PDE1A: variants seen among roughly 807,000 people sequenced by gnomAD.
PDE1A encodes the protein phosphodiesterase 1A.
PDE1A carries 35 observed loss-of-function variants against 61.7 expected under a neutral mutation model. That is an observed-to-expected ratio of 0.57 (90% CI 0.43 to 0.75). The LOEUF (loss-of-function observed/expected upper bound fraction) is 0.75. Ranked by LOEUF, PDE1A falls within the 30% of genes least tolerant of loss-of-function variation. The pLI, the probability that PDE1A is intolerant of heterozygous loss-of-function variation, is 0.00. For missense variants in PDE1A, 597 were observed against 630.6 expected (o/e 0.95, Z 0.57); for synonymous variants, 232 against 213.2 (o/e 1.09, Z -0.77).
chr2:182,624,932 C>T, the PDE1A span, among the ~76,000 whole-genome samples: 185 of 152,226 alleles, frequency 1.2e-3, no homozygotes, highest in Non-Finnish European at 2.0e-3. Flanking sequence ...ATTACCCTTG[C>T]AACCCCCTGC....
chr2:182,428,336 T>G (rs1205906689), upstream of PDE1A, among the ~76,000 whole-genome samples: 4 of 152,164 alleles, frequency 2.6e-5, no homozygotes, highest in African/African-American at 9.6e-5. Context: ...ATTCGCCTGC[T>G]TCTTGCAAAG....
At chr2:182,698,884 T>C in the PDE1A span, among the ~76,000 whole-genome samples, 1 of 152,180 alleles carries the variant, frequency 6.6e-6, no homozygotes, top group Non-Finnish European at 1.5e-5. Flanking sequence ...TCAAGCTGAT[T>C]TCATCTCTAA....
At chr2:182,646,307 A>G in the PDE1A span, among the ~76,000 whole-genome samples, 1 of 149,676 alleles carries the variant, frequency 6.7e-6, no homozygotes, top group African/African-American at 2.5e-5. Context: ...AAAAAAAAAA[A>G]TGGGCATAGT....
intron 1 of PDE1A, among the ~76,000 whole-genome samples, chr2:182,393,108 A>G (rs1361268133): frequency 6.6e-6 from 1 of 152,260 alleles, no homozygotes; most frequent in South Asian, 2.1e-4. Flanking sequence ...GAGGTTCTCC[A>G]TAAGGACTCT....
At chr2:182,232,522 A>G (rs1204140131) in intron 4 of PDE1A, among the ~76,000 whole-genome samples, 2 of 152,326 alleles carry the variant, frequency 1.3e-5, no homozygotes, top group East Asian at 3.9e-4. Context: ...TACTTCCTTC[A>G]AAAAATAATA....
chr2:182,245,480 A>G (rs1690876273), intron 2 of PDE1A, among the ~76,000 whole-genome samples: 1 of 152,172 alleles, frequency 6.6e-6, no homozygotes, highest in South Asian at 2.1e-4. Context: ...GCCCTAAAAA[A>G]AATCCCTATA....
chr2:182,389,485 T>C (rs957745773), intron 1 of PDE1A, among the ~76,000 whole-genome samples: 3 of 151,976 alleles, frequency 2.0e-5, no homozygotes, highest in African/African-American at 7.3e-5. Context: ...AAGTGATATA[T>C]TAAAAAAATA....
At chr2:182,633,665 C>A in the PDE1A span, among the ~76,000 whole-genome samples, 1 of 152,188 alleles carries the variant, frequency 6.6e-6, no homozygotes, top group Non-Finnish European at 1.5e-5. Context: ...TTTCATCTTG[C>A]CCCTATTTCA....
At chr2:182,187,737 C>CTTTTT (rs1038970569) in intron 11 of PDE1A, among the ~76,000 whole-genome samples, 192 of 66,368 alleles carry the variant, frequency 2.9e-3, no homozygotes, top group East Asian at 3.3e-3. Flanking sequence ...TTTTTTTGTT[C>CTTTTT]TTTTTTTTTT....
intron 1 of PDE1A, among the ~76,000 whole-genome samples, chr2:182,336,989 A>C (rs28584604): frequency 0.37 from 55,160 of 149,324 alleles, 12,229 homozygotes; most frequent in Non-Finnish European, 0.48. Context: ...ATAAAGAATA[A>C]AAATAAAAGT....
chr2:182,523,659 T>A (rs923627764), upstream of PDE1A, among the ~76,000 whole-genome samples: 2 of 152,210 alleles, frequency 1.3e-5, no homozygotes, highest in African/African-American at 4.8e-5. Flanking sequence ...GTTGAATATT[T>A]CTGATGTTTC....
exon 10 of PDE1A, chr2:182,201,482 T>C: frequency 6.2e-7 from 1 of 1,613,990 alleles, no homozygotes; most frequent in Non-Finnish European, 8.5e-7. Context: ...CCACCGATAA[T>C]GCAGCTTCCA....
the PDE1A span, among the ~76,000 whole-genome samples, chr2:182,562,646 G>T: frequency 2.0e-5 from 3 of 151,948 alleles, no homozygotes; most frequent in Non-Finnish European, 4.4e-5. Flanking sequence ...CTTCCTCCTT[G>T]TACCTCTGGT....
At chr2:182,400,533 T>A (rs1459226732) in intron 1 of PDE1A, among the ~76,000 whole-genome samples, 1 of 152,058 alleles carries the variant, frequency 6.6e-6, no homozygotes, top group African/African-American at 2.4e-5. Flanking sequence ...ACTCTCAACA[T>A]CTCCTTAGAT....
intron 2 of PDE1A, among the ~76,000 whole-genome samples, chr2:182,520,349 A>G (rs913014505): frequency 1.3e-5 from 2 of 151,952 alleles, no homozygotes; most frequent in African/African-American, 2.4e-5. Flanking sequence ...TCTTTATTCA[A>G]TGAAAAAGCA....
the PDE1A span, among the ~76,000 whole-genome samples, chr2:182,557,545 A>G: frequency 6.6e-6 from 1 of 151,764 alleles, no homozygotes; most frequent in Non-Finnish European, 1.5e-5. Context: ...GACCCCATCT[A>G]TACAAAAAAT....
At chr2:182,271,498 C>CT (rs1450424395) in intron 1 of PDE1A, among the ~76,000 whole-genome samples, 2 of 152,044 alleles carry the variant, frequency 1.3e-5, no homozygotes, top group African/African-American at 4.8e-5. Context: ...GAGGTATTAA[C>CT]TTTTTCTACA....
chr2:182,650,858 G>A, the PDE1A span, among the ~76,000 whole-genome samples: 7 of 152,136 alleles, frequency 4.6e-5, no homozygotes, highest in Admixed American at 2.6e-4. Context: ...AAGATCTTGC[G>A]TAAGAATTCT....
the PDE1A span, among the ~76,000 whole-genome samples, chr2:182,700,646 C>T: frequency 2.3e-3 from 306 of 132,594 alleles, no homozygotes; most frequent in Non-Finnish European, 3.7e-3. Flanking sequence ...CGCTTTAATG[C>T]GGGAGGCAGA....
Sources: allele counts gnomAD v4.1 joint callset (sites outside exome capture counted in the v4.1 genomes callset), GRCh38; gene constraint gnomAD v4.1.1; transcripts MANE v1.5; gene names NCBI Gene and HGNC (gene_info 2026-07-23, HGNC 2026-07-21).